MYEF2: variants seen among roughly 807,000 people sequenced by gnomAD.
MYEF2 encodes the protein myelin expression factor 2, also known as myelin gene expression factor 2.
Under a neutral mutation model 75.2 loss-of-function variants are expected in MYEF2, and 37 were observed. The observed-to-expected ratio is 0.49, with a 90% CI of 0.38 to 0.65. The LOEUF is 0.65. MYEF2 is among the 30% of genes least tolerant of loss of function. The probability of loss-of-function intolerance (pLI) is 0.00; values close to 1 mark genes in which losing one functional copy is unlikely to be tolerated. For synonymous variants in MYEF2, 195 were observed against 241.6 expected (o/e 0.81, Z 1.79); for missense variants, 634 against 771.4 (o/e 0.82, Z 2.11).
At chr15:48,157,800 G>GAA in intron 9 of MYEF2, 193 bp downstream of exon 9, 18 of 1,221,914 alleles carry the variant, frequency 1.5e-5, no homozygotes, top group East Asian at 3.0e-5. Flanking sequence ...TTACCAAAGA[G>GAA]AAAAAAAAAA....
chr15:48,167,424 A>G (rs1373408573), intron 2 of MYEF2, 23 bp from the exon 3 acceptor site: 4 of 1,609,956 alleles, frequency 2.5e-6, no homozygotes, highest in Non-Finnish European at 3.4e-6. Context: ...TACAAAAGGA[A>G]GATACCAAGA....
At chr15:48,167,501 C>T in intron 2 of MYEF2, 100 bp from the exon 3 acceptor site, 1 of 1,037,128 alleles carries the variant, frequency 9.6e-7, no homozygotes, top group Admixed American at 2.0e-5. Flanking sequence ...CAGAGAAGCA[C>T]CTATTATTCA....
chr15:48,139,117 G>C lies in MYEF2; in HGVS notation c.*3791C>G, dbSNP rs779056827. On this transcript the variant is annotated 3_prime_UTR_variant, in exon 17 of 17. Coordinates refer to ENST00000324324, the MANE Select transcript of MYEF2 (RefSeq NM_016132.5). ...ACTACTTTGTGATAACCTTTTTCATGTCTGCAATATGGATATCCGCATTTA... is the reference window on the plus strand; with the variant it reads ...ACTACTTTGTGATAACCTTTTTCATCTCTGCAATATGGATATCCGCATTTA... 1 of 1,613,038 alleles carries C rather than the reference G, an allele frequency of 6.2e-7. No individual in the cohort carries two copies. The highest frequency in any genetic ancestry group is 8.5e-7 in the Non-Finnish European group (1 of 1,179,354).
Position 48,138,728 on chromosome 15 carries a change from T to C in MYEF2, c.*4180A>G. ...TATATTTAACGAATGGCCCAAGACA[T>C]TTTTATAGATTTAAGGCCCCAAATA... On this transcript the variant is annotated 3_prime_UTR_variant, in exon 17 of 17. Coordinates refer to ENST00000324324, the MANE Select transcript of MYEF2 (RefSeq NM_016132.5). The C allele has an allele frequency of 2.2e-6, 1 of 444,646 alleles. No individual in the cohort carries two copies. The highest frequency in any genetic ancestry group is 4.1e-6 in the Non-Finnish European group (1 of 245,704). 27.5% of individuals were successfully genotyped at this position (444,646 alleles called of 1,614,324 possible).
In MYEF2 at chr15:48,141,773, A is replaced by G. The variant is rs1216253098; in HGVS notation, c.*1135T>C. Reference sequence around the variant, plus strand: ...TAACCATTAACCATGTTAAATTACAATGAAAAGCAACAAATAAGCTATATA... The same window carrying G: ...TAACCATTAACCATGTTAAATTACAGTGAAAAGCAACAAATAAGCTATATA... On this transcript the variant is annotated 3_prime_UTR_variant, in exon 17 of 17. Coordinates refer to ENST00000324324, the MANE Select transcript of MYEF2 (RefSeq NM_016132.5). 4.0e-6 allele frequency: 1 copy of G among 247,974 alleles called. No homozygotes were observed. Among genetic ancestry groups the G allele is most frequent in the African/African-American group, 2.2e-5 (1 of 44,572 alleles). The allele number at this position is 247,974 out of a possible 1,614,324, so 15.4% of individuals were successfully genotyped here.
At chr15:48,165,064 AC>A (rs897286989) in intron 5 of MYEF2, among the ~76,000 whole-genome samples, 2 of 152,136 alleles carry the variant, frequency 1.3e-5, no homozygotes, top group African/African-American at 4.8e-5. Context: ...ATGTCTAGAC[AC>A]CCACTAGAAA....
intron 9 of MYEF2, among the ~76,000 whole-genome samples, chr15:48,156,939 A>T (rs1247456580): frequency 6.6e-6 from 1 of 152,102 alleles, no homozygotes; most frequent in Non-Finnish European, 1.5e-5. Context: ...CCTCTGGATA[A>T]GGCATAAGTT....
intron 5 of MYEF2, among the ~76,000 whole-genome samples, chr15:48,162,074 C>T (rs2039961078): frequency 6.6e-6 from 1 of 151,644 alleles, no homozygotes; most frequent in East Asian, 2.0e-4. Context: ...CTGTTAATAA[C>T]TTTTTTAATA....
chr15:48,175,446 A>C (rs78253989), intron 1 of MYEF2, among the ~76,000 whole-genome samples: 1,859 of 152,300 alleles, frequency 0.012, 46 homozygotes, highest in African/African-American at 0.043. Flanking sequence ...TGCTTAAAGA[A>C]TAGATCTTAA....
intron 16 of MYEF2, among the ~76,000 whole-genome samples, chr15:48,144,512 A>C (rs962598562): frequency 5.3e-5 from 8 of 152,114 alleles, no homozygotes; most frequent in African/African-American, 1.7e-4. Context: ...TGTTCTGAAA[A>C]GTTATAAAAT....
intron 14 of MYEF2, among the ~76,000 whole-genome samples, chr15:48,150,611 G>A (rs909301620): frequency 2.0e-5 from 3 of 151,958 alleles, no homozygotes; most frequent in African/African-American, 4.8e-5. Flanking sequence ...ATGCTATTAC[G>A]GGAAAGGTTC....
Position 48,134,653 on chromosome 15 carries a change from A to G in MYEF2, c.*8255T>C. 1.3e-6 allele frequency: 1 copy of G among 795,558 alleles called. No individual in the cohort carries two copies. Among genetic ancestry groups the G allele is most frequent in the South Asian group, 1.8e-5 (1 of 56,626 alleles). The allele number at this position is 795,558 out of a possible 1,614,324, so 49.3% of individuals were successfully genotyped here. A position where few individuals can be genotyped will look rare whatever the true frequency, so the allele number is the denominator to read the frequency against. Reference sequence around the variant, plus strand: ...ATAATATGTGCAATCAAATTTATTAATCAGTAGAAAAACAACATGTATTCA... The same window carrying G: ...ATAATATGTGCAATCAAATTTATTAGTCAGTAGAAAAACAACATGTATTCA... On this transcript the variant is annotated 3_prime_UTR_variant, in exon 17 of 17. Transcript: ENST00000324324.
At chr15:48,175,822 T>C (rs7163587) in intron 1 of MYEF2, among the ~76,000 whole-genome samples, 140,903 of 152,200 alleles carry the variant, frequency 0.93, 65,922 homozygotes, top group Non-Finnish European at 1. Context: ...GGAGAGCTAG[T>C]ATACCATTTG....
At position 48,142,082 on chromosome 15, in the gene MYEF2, T is replaced by C; in HGVS notation, c.*826A>G. ...CGTGGGATCCAATGTGTTTGATATGTTGTGCCTTGGTATTCCATGGTTTAT... is the reference window on the plus strand; with the variant it reads ...CGTGGGATCCAATGTGTTTGATATGCTGTGCCTTGGTATTCCATGGTTTAT... On this transcript the variant is annotated 3_prime_UTR_variant, in exon 17 of 17. Transcript: ENST00000324324. 6.2e-7 allele frequency: 1 copy of C among 1,613,876 alleles called. No homozygotes were observed. The highest frequency in any genetic ancestry group is 1.1e-5 in the South Asian group (1 of 91,068).
chr15:48,166,094 A>C (rs369962905), intron 4 of MYEF2, 27 bp downstream of exon 4: 9 of 1,577,280 alleles, frequency 5.7e-6, no homozygotes, highest in East Asian at 2.2e-5. Flanking sequence ...AATTTGACTT[A>C]AGATACTTAA....
At position 48,151,963 on chromosome 15, in the gene MYEF2, T is replaced by C. The variant is rs542100240; in HGVS notation, c.1139-21A>G. ...TATTCCTATGGAATAAAGATTAATTTTGAGATCCAACTGTCAGTCATGTAG... is the reference window on the plus strand; with the variant it reads ...TATTCCTATGGAATAAAGATTAATTCTGAGATCCAACTGTCAGTCATGTAG... On this transcript the variant is annotated intron_variant, in intron 11 of 16. Coordinates refer to ENST00000324324, the MANE Select transcript of MYEF2 (RefSeq NM_016132.5). The C allele has an allele frequency of 5.0e-6, 8 of 1,609,770 alleles. No homozygotes were observed. In the African/African-American group the frequency reaches 6.7e-5, roughly 13 times the overall value.
intron 5 of MYEF2, among the ~76,000 whole-genome samples, chr15:48,160,422 T>A (rs1269847762): frequency 6.6e-6 from 1 of 151,840 alleles, no homozygotes; most frequent in African/African-American, 2.4e-5. Context: ...TATTAAACAT[T>A]GTTTTTTTGT....
rs1204992777 is a variant in MYEF2 at position 48,138,500 on chromosome 15, T to TA, written c.*4407dup. On this transcript the variant is annotated 3_prime_UTR_variant, in exon 17 of 17. Transcript: ENST00000324324. ...CTAAGAATTAGGATATGCGACTTAA[T>TA]AAAAAAATTATGCTATGATTATTTT... is the stretch of plus-strand genomic sequence containing the variant. The TA allele has an allele frequency of 6.6e-6, 1 of 152,666 alleles. No homozygotes were observed. The highest frequency in any genetic ancestry group is 6.5e-5 in the Admixed American group (1 of 15,376). The allele number at this position is 152,666 out of a possible 1,614,324, so 9.5% of individuals were successfully genotyped here.
At chr15:48,150,520 G>A (rs1316938466) in intron 14 of MYEF2, among the ~76,000 whole-genome samples, 2 of 151,786 alleles carry the variant, frequency 1.3e-5, no homozygotes, top group African/African-American at 4.9e-5. Context: ...ATGTATTCAG[G>A]CTTAATATAA....
Sources: allele counts gnomAD v4.1 joint callset (sites outside exome capture counted in the v4.1 genomes callset), GRCh38; gene constraint gnomAD v4.1.1; transcripts MANE v1.5; gene names NCBI Gene and HGNC (gene_info 2026-07-23, HGNC 2026-07-21).